Variants in GPAT4 observed in about 807,000 individuals in gnomAD.
The protein encoded by GPAT4 is 1-AGP acyltransferase 6.
In GPAT4, 17 loss-of-function variants were observed where a neutral mutation model predicts 58.0. That is an observed-to-expected ratio of 0.29 (90% CI 0.20 to 0.44). The LOEUF is 0.44. Ranked by LOEUF, GPAT4 falls within the 20% of genes least tolerant of loss-of-function variation. GPAT4 has a pLI of 1.00. For synonymous variants in GPAT4, 204 were observed against 210.1 expected (o/e 0.97, Z 0.25); for missense variants, 377 against 574.5 (o/e 0.66, Z 3.51).
intron 1 of GPAT4, among the ~76,000 whole-genome samples, chr8:41,591,036 A>G (rs1208054528): frequency 6.6e-6 from 1 of 152,138 alleles, no homozygotes; most frequent in Non-Finnish European, 1.5e-5. Context: ...TCACATCTCC[A>G]AAAACCAAGC....
intron 1 of GPAT4, among the ~76,000 whole-genome samples, chr8:41,580,981 C>T (rs768518655): frequency 6.6e-6 from 1 of 152,192 alleles, no homozygotes; most frequent in African/African-American, 2.4e-5. Flanking sequence ...AAACAAAACT[C>T]TCTAAGCTAT....
chr8:41,600,036 CTTTTTTTTTT>C (rs758905649), intron 2 of GPAT4, among the ~76,000 whole-genome samples: 1 of 100,332 alleles, frequency 1.0e-5, no homozygotes, highest in African/African-American at 4.0e-5. Flanking sequence ...TTTTTCTTTT[CTTTTTTTTTT>C]TTTTTTTTCG....
intron 3 of GPAT4, 37 bp from the exon 4 acceptor site, chr8:41,609,618 C>A (rs1440372124): frequency 6.2e-7 from 1 of 1,607,004 alleles, no homozygotes; most frequent in South Asian, 1.1e-5. Flanking sequence ...GTGCTCTCCC[C>A]CAGCGTGCTG....
chr8:41,621,928 C>T lies in GPAT4; in HGVS notation c.*927C>T, dbSNP rs1803764330. 1 of 152,344 alleles carries T rather than the reference C, an allele frequency of 6.6e-6. No homozygotes were observed. 9.4% of individuals were successfully genotyped at this position (152,344 alleles called of 1,614,324 possible). On this transcript the variant is annotated 3_prime_UTR_variant, in exon 13 of 13. Coordinates refer to ENST00000396987, the MANE Select transcript of GPAT4 (RefSeq NM_178819.4). Reference sequence around the variant, plus strand: ...CTGGTGAATGAACTGGGGGACTTCTCCCTTTACTTTCTCCCCTGGCTGTGG... The same window carrying T: ...CTGGTGAATGAACTGGGGGACTTCTTCCTTTACTTTCTCCCCTGGCTGTGG...
chr8:41,593,222 A>G (rs1379286396), intron 1 of GPAT4, among the ~76,000 whole-genome samples: 1 of 152,124 alleles, frequency 6.6e-6, no homozygotes, highest in Non-Finnish European at 1.5e-5. Context: ...TCAGTCCTTA[A>G]TCTTATTTCA....
At chr8:41,618,514 C>T in intron 10 of GPAT4, 170 bp from the exon 11 acceptor site, 1 of 814,956 alleles carries the variant, frequency 1.2e-6, no homozygotes, top group Non-Finnish European at 2.0e-6. Flanking sequence ...GTGTTGCTCA[C>T]AGTCAGAACC....
intron 2 of GPAT4, among the ~76,000 whole-genome samples, chr8:41,603,786 A>G (rs1803172764): frequency 1.3e-5 from 2 of 152,110 alleles, no homozygotes; most frequent in South Asian, 4.1e-4. Flanking sequence ...TAAGGAAGCC[A>G]ACCAGGTGTA....
chr8:41,613,189 G>A (rs779192884), intron 8 of GPAT4, among the ~76,000 whole-genome samples: 19 of 152,034 alleles, frequency 1.2e-4, no homozygotes, highest in African/African-American at 1.9e-4. Context: ...TTGAGGTCAG[G>A]AGTTTGAGAC....
intron 1 of GPAT4, among the ~76,000 whole-genome samples, chr8:41,585,911 C>G (rs1343928724): frequency 6.6e-6 from 1 of 152,238 alleles, no homozygotes; most frequent in Non-Finnish European, 1.5e-5. Context: ...GTGAAGGTCT[C>G]CCTATGCAGC....
intron 1 of GPAT4, among the ~76,000 whole-genome samples, chr8:41,598,047 A>G (rs576761838): frequency 6.6e-6 from 1 of 152,312 alleles, no homozygotes; most frequent in Non-Finnish European, 1.5e-5. Context: ...TTATATTCAG[A>G]AAGTTTGACC....
rs1358646081 is a variant in GPAT4 at position 41,622,983 on chromosome 8, CTT to C, written c.*1984_*1985del. 2.0e-5 allele frequency: 3 copies of C among 152,142 alleles called. No homozygotes were observed. The highest frequency in any genetic ancestry group is 2.1e-4 in the South Asian group (1 of 4,832). The allele number at this position is 152,142 out of a possible 1,614,324, so 9.4% of individuals were successfully genotyped here. A position where few individuals can be genotyped will look rare whatever the true frequency, so the allele number is the denominator to read the frequency against. On this transcript the variant is annotated 3_prime_UTR_variant, in exon 13 of 13. Transcript: ENST00000396987. ...TCTCTTTTAAAAAGTTCATCTGAAA[CTT>C]TATGGTTTGTTACTTTCGTGATTTG... is the stretch of plus-strand genomic sequence containing the variant.
At position 41,621,630 on chromosome 8, in the gene GPAT4, G is replaced by T. The variant is rs1803754556; in HGVS notation, c.*629G>T. 6.6e-6 allele frequency: 1 copy of T among 152,660 alleles called. No individual in the cohort carries two copies. The highest frequency in any genetic ancestry group is 2.1e-4 in the South Asian group (1 of 4,832). 9.5% of individuals were successfully genotyped at this position (152,660 alleles called of 1,614,324 possible). ...GCTGACTGGGCCATGGGGAGAACGT[G>T]TGTTCGTACTCCAGGCTAACCCTGA... On this transcript the variant is annotated 3_prime_UTR_variant, in exon 13 of 13. Coordinates refer to ENST00000396987, the MANE Select transcript of GPAT4 (RefSeq NM_178819.4).
chr8:41,582,474 CACATCTTT>C (rs1433579355), intron 1 of GPAT4, among the ~76,000 whole-genome samples: 1 of 115,932 alleles, frequency 8.6e-6, no homozygotes, highest in Non-Finnish European at 1.9e-5. Flanking sequence ...CACACACACA[CACATCTTT>C]CTTTCTTTCT....
chr8:41,590,376 GC>G (rs1355309255), intron 1 of GPAT4, among the ~76,000 whole-genome samples: 1 of 152,248 alleles, frequency 6.6e-6, no homozygotes, highest in African/African-American at 2.4e-5. Flanking sequence ...GAGCCACTGT[GC>G]CCGGCCAGTG....
Position 41,599,324 on chromosome 8 carries a change from A to G in GPAT4, c.165+20A>G. 6.2e-7 allele frequency: 1 copy of G among 1,613,138 alleles called. No homozygotes were observed. The highest frequency in any genetic ancestry group is 8.5e-7 in the Non-Finnish European group (1 of 1,179,752). ...TTTGCGGTAAGTTATGCTGTTACAAAAGGTTGCTTCACAGAGGAGGGTAGA... is the reference window on the plus strand; with the variant it reads ...TTTGCGGTAAGTTATGCTGTTACAAGAGGTTGCTTCACAGAGGAGGGTAGA... On this transcript the variant is annotated intron_variant, in intron 2 of 12. Transcript: ENST00000396987.
chr8:41,604,803 T>C (rs1001787024), intron 2 of GPAT4, among the ~76,000 whole-genome samples: 2 of 152,212 alleles, frequency 1.3e-5, no homozygotes, highest in African/African-American at 4.8e-5. Context: ...TGGCATTGTG[T>C]GCGATGGGCA....
intron 2 of GPAT4, among the ~76,000 whole-genome samples, chr8:41,606,415 A>G (rs146863037): frequency 6.6e-6 from 1 of 152,260 alleles, no homozygotes. Context: ...CACATCTGGT[A>G]TCAGGAGTGT....
At chr8:41,613,932 G>A (rs1803519766) in intron 8 of GPAT4, among the ~76,000 whole-genome samples, 1 of 152,170 alleles carries the variant, frequency 6.6e-6, no homozygotes, top group Admixed American at 6.5e-5. Flanking sequence ...TAACACATAA[G>A]AAAAGACAGT....
intron 5 of GPAT4, 114 bp downstream of exon 5, chr8:41,610,924 T>G: frequency 8.8e-7 from 1 of 1,132,120 alleles, no homozygotes; most frequent in Non-Finnish European, 1.2e-6. Flanking sequence ...GAATCTTAGA[T>G]GGATTAAATA....
Sources: gnomAD v4.1 joint callset for allele counts (sites outside exome capture counted in the v4.1 genomes callset) on GRCh38, gnomAD v4.1.1 for gene constraint, MANE v1.5 for transcripts, NCBI Gene and HGNC (gene_info 2026-07-23, HGNC 2026-07-21) for gene names.